Variants in FLACC1 observed in about 807,000 individuals in gnomAD.
FLACC1 encodes the protein flagellum-associated coiled-coil domain-containing protein 1.
FLACC1 carries 66 observed loss-of-function variants against 62.8 expected under a neutral mutation model. The observed-to-expected ratio is 1.05, with a 90% CI of 0.86 to 1.29. FLACC1 has a LOEUF of 1.29. FLACC1 is among the 50% of genes most tolerant of loss of function. The probability of loss-of-function intolerance (pLI) is 0.00; values close to 1 mark genes in which losing one functional copy is unlikely to be tolerated. For synonymous variants in FLACC1, 156 were observed against 161.0 expected (o/e 0.97, Z 0.24); for missense variants, 452 against 489.1 (o/e 0.92, Z 0.71).
chr2:201,302,701 T>G (rs1050335939), intron 11 of FLACC1, among the ~76,000 whole-genome samples: 6 of 152,030 alleles, frequency 3.9e-5, no homozygotes, highest in Non-Finnish European at 7.4e-5. Context: ...CCTCAGCAAA[T>G]GTAAAAGAAC....
intron 9 of FLACC1, among the ~76,000 whole-genome samples, chr2:201,313,274 C>T (rs917528701): frequency 6.6e-6 from 1 of 152,138 alleles, no homozygotes; most frequent in African/African-American, 2.4e-5. Flanking sequence ...AGCACAAAAG[C>T]ACTACTTGCT....
At chr2:201,339,199 G>T (rs1271033631) in intron 7 of FLACC1, among the ~76,000 whole-genome samples, 1 of 151,962 alleles carries the variant, frequency 6.6e-6, no homozygotes, top group African/African-American at 2.4e-5. Flanking sequence ...GTTTGTTAGT[G>T]TTAGTTATAG....
At chr2:201,360,337 T>C (rs549063478), upstream of FLACC1, among the ~76,000 whole-genome samples, 16 of 152,362 alleles carry the variant, frequency 1.1e-4, no homozygotes, top group African/African-American at 3.6e-4. Flanking sequence ...AACTTAATTC[T>C]GACAGCAATA....
chr2:201,293,466 A>G (rs1381156263), intron 12 of FLACC1, among the ~76,000 whole-genome samples: 2 of 152,200 alleles, frequency 1.3e-5, no homozygotes, highest in Non-Finnish European at 2.9e-5. Flanking sequence ...GATGTTCTTC[A>G]AAACCAATGA....
At chr2:201,313,299 G>A (rs1950250085) in intron 9 of FLACC1, among the ~76,000 whole-genome samples, 1 of 152,156 alleles carries the variant, frequency 6.6e-6, no homozygotes, top group African/African-American at 2.4e-5. Flanking sequence ...CAGCTGGGAG[G>A]CTGGTAGCCT....
intron 9 of FLACC1, among the ~76,000 whole-genome samples, chr2:201,313,618 T>G (rs1485575020): frequency 2.0e-5 from 3 of 152,060 alleles, no homozygotes; most frequent in Non-Finnish European, 4.4e-5. Flanking sequence ...GATGGTCCTT[T>G]CCTACTCACC....
intron 12 of FLACC1, among the ~76,000 whole-genome samples, chr2:201,296,510 T>G (rs2125541414): frequency 2.5e-5 from 2 of 79,132 alleles, no homozygotes; most frequent in Admixed American, 1.9e-4. Flanking sequence ...CGGGGCCTGT[T>G]GTGGGGTGGG....
chr2:201,294,743 C>G (rs901530912), intron 12 of FLACC1, among the ~76,000 whole-genome samples: 1 of 152,188 alleles, frequency 6.6e-6, no homozygotes, highest in Non-Finnish European at 1.5e-5. Context: ...TCCCTGTTTG[C>G]AGATGACATG....
Position 201,330,450 on chromosome 2 carries a change from C to T in FLACC1, c.675+20G>A, listed in dbSNP as rs760095361. 1.9e-6 allele frequency: 3 copies of T among 1,608,128 alleles called. No homozygotes were observed. Among genetic ancestry groups the T allele is most frequent in the African/African-American group, 1.3e-5 (1 of 74,828 alleles). Reference sequence around the variant, plus strand: ...GAGCCTTCCTTCTCTTGTAATCCAACAGGGAGCTGTGTATCTCACCTGATA... The same window carrying T: ...GAGCCTTCCTTCTCTTGTAATCCAATAGGGAGCTGTGTATCTCACCTGATA... On this transcript the variant is annotated intron_variant, in intron 9 of 14. Transcript: ENST00000392257.
intron 11 of FLACC1, among the ~76,000 whole-genome samples, chr2:201,304,454 A>G (rs1266778779): frequency 6.6e-6 from 1 of 152,230 alleles, no homozygotes; most frequent in Non-Finnish European, 1.5e-5. Flanking sequence ...ATGGAAGAAC[A>G]TTCCATGCTC....
intron 12 of FLACC1, 77 bp downstream of exon 12, chr2:201,299,161 C>T: frequency 7.5e-7 from 1 of 1,337,118 alleles, no homozygotes; most frequent in Non-Finnish European, 1.1e-6. Context: ...TCATTGATTC[C>T]ATTATACTGA....
At chr2:201,289,385 C>A in intron 14 of FLACC1, 72 bp downstream of exon 14, 1 of 1,431,018 alleles carries the variant, frequency 7.0e-7, no homozygotes. Context: ...ATCTTCCTAA[C>A]CCATTCCTCA....
chr2:201,296,215 A>C (rs1370436344), intron 12 of FLACC1, among the ~76,000 whole-genome samples: 5 of 152,154 alleles, frequency 3.3e-5, no homozygotes, highest in Non-Finnish European at 7.4e-5. Context: ...ATGCACACGT[A>C]TGTTTATTGC....
At chr2:201,307,446 A>G in intron 11 of FLACC1, 73 bp downstream of exon 11, 1 of 1,075,942 alleles carries the variant, frequency 9.3e-7, no homozygotes, top group Non-Finnish European at 1.4e-6. Context: ...CTAATTATGG[A>G]GGCACACCTG....
intron 11 of FLACC1, among the ~76,000 whole-genome samples, chr2:201,301,369 G>T (rs1949979079): frequency 6.6e-6 from 1 of 152,192 alleles, no homozygotes; most frequent in East Asian, 1.9e-4. Flanking sequence ...AGCAAGAAGA[G>T]AAGTTTAGAG....
At position 201,346,898 on chromosome 2, in the gene FLACC1, T is replaced by C. The variant is rs1192668410; in HGVS notation, c.235-223A>G. 1.3e-5 allele frequency among the ~76,000 whole-genome samples: 2 copies of C among 152,198 alleles called. No individual in the cohort carries two copies. Among genetic ancestry groups the C allele is most frequent in the Non-Finnish European group, 2.9e-5 (2 of 68,030 alleles). On this transcript the variant is annotated intron_variant, in intron 4 of 14. Transcript: ENST00000392257. This position sits in a 1 kb window ranked among gnomAD's most constrained non-coding sequence, Gnocchi z 4.0. Reference sequence around the variant, plus strand: ...GTGTCCCTAGGGGCCTCTCAAGCTCTGCGCCAAACCAAGCCACTGATGCCC... The same window carrying C: ...GTGTCCCTAGGGGCCTCTCAAGCTCCGCGCCAAACCAAGCCACTGATGCCC...
rs574166994 is a variant in FLACC1, at chr2:201,321,644, G to A, written c.675+8826C>T. ...CTAGGTTCAAGCTTGTATGAGAGAC[G>A]TTCACAATTTTTCTCTATTTGGAAC... On this transcript the variant is annotated intron_variant, in intron 9 of 14. Coordinates refer to ENST00000392257, the MANE Select transcript of FLACC1 (RefSeq NM_001127391.3). Among the ~76,000 whole-genome samples, 10 of 152,242 alleles carry A rather than the reference G, an allele frequency of 6.6e-5. No individual in the cohort carries two copies. In the South Asian group the frequency reaches 1.7e-3, roughly 25 times the overall value.
intron 11 of FLACC1, among the ~76,000 whole-genome samples, chr2:201,304,140 G>T (rs1950051069): frequency 1.3e-5 from 2 of 152,180 alleles, no homozygotes; most frequent in African/African-American, 4.8e-5. Context: ...AAGTCAAATT[G>T]TCCCTGTTTG....
chr2:201,360,786 C>T (rs774954921), upstream of FLACC1, among the ~76,000 whole-genome samples: 10 of 152,106 alleles, frequency 6.6e-5, no homozygotes, highest in African/African-American at 2.4e-4. Flanking sequence ...TTCAAGAATA[C>T]GTGGGCCCGG....
Sources: gnomAD v4.1 joint callset for allele counts (sites outside exome capture counted in the v4.1 genomes callset) on GRCh38, gnomAD v4.1.1 for gene constraint, Gnocchi (gnomAD v3.1) non-coding constraint, MANE v1.5 for transcripts, NCBI Gene and HGNC (gene_info 2026-07-23, HGNC 2026-07-21) for gene names.